CRIM1: variants seen among roughly 807,000 people sequenced by gnomAD.
CRIM1 encodes cysteine-rich motor neuron 1 protein.
CRIM1 carries 32 observed loss-of-function variants against 116.4 expected under a neutral mutation model. The observed-to-expected ratio is 0.27, with a 90% CI of 0.21 to 0.37. The LOEUF is 0.37. Among genes scored for constraint, CRIM1 ranks in the 10% least tolerant of loss-of-function variants. The probability of loss-of-function intolerance (pLI) is 1.00; values close to 1 mark genes in which losing one functional copy is unlikely to be tolerated. For missense variants in CRIM1, 1,331 were observed against 1,354.8 expected (o/e 0.98, Z 0.28); for synonymous variants, 590 against 509.2 (o/e 1.16, Z -2.13).
chr2:36,494,366 A>G (rs1680438296), intron 7 of CRIM1, among the ~76,000 whole-genome samples: 1 of 152,214 alleles, frequency 6.6e-6, no homozygotes. Flanking sequence ...TACTGACAAG[A>G]CATCTGTTAG....
At chr2:36,374,392 G>A (rs1277416097) in intron 1 of CRIM1, among the ~76,000 whole-genome samples, 2 of 152,106 alleles carry the variant, frequency 1.3e-5, no homozygotes, top group Admixed American at 6.6e-5. Context: ...GACAGTTTGG[G>A]AAATAGAAGA....
At chr2:36,432,530 A>T (rs1674975926) in intron 2 of CRIM1, among the ~76,000 whole-genome samples, 1 of 152,172 alleles carries the variant, frequency 6.6e-6, no homozygotes, top group South Asian at 2.1e-4. Flanking sequence ...CACATTTGGC[A>T]TCCGGCTCTC....
chr2:36,491,993 C>T (rs1257194757), intron 7 of CRIM1, among the ~76,000 whole-genome samples: 2 of 152,064 alleles, frequency 1.3e-5, no homozygotes, highest in Non-Finnish European at 2.9e-5. Context: ...GAAAAAGATA[C>T]CCCACTCTAT....
chr2:36,494,783 A>C (rs1236475212), intron 7 of CRIM1, among the ~76,000 whole-genome samples: 1 of 152,198 alleles, frequency 6.6e-6, no homozygotes, highest in East Asian at 1.9e-4. Flanking sequence ...GGTTCCCTTT[A>C]GAAATAGTTG....
At chr2:36,524,849 A>T (rs1665647285) in intron 13 of CRIM1, among the ~76,000 whole-genome samples, 1 of 152,014 alleles carries the variant, frequency 6.6e-6, no homozygotes, top group African/African-American at 2.4e-5. Context: ...TTCTATTCCA[A>T]TTCCTGCATC....
At chr2:36,439,230 C>T (rs894464142) in intron 2 of CRIM1, among the ~76,000 whole-genome samples, 1 of 152,198 alleles carries the variant, frequency 6.6e-6, no homozygotes, top group African/African-American at 2.4e-5. Flanking sequence ...CTCCAACACA[C>T]CCGGTACCCA....
chr2:36,523,255 A>G (rs1201083776), intron 13 of CRIM1, among the ~76,000 whole-genome samples: 1 of 152,168 alleles, frequency 6.6e-6, no homozygotes, highest in African/African-American at 2.4e-5. Context: ...ATATTAATTT[A>G]ATCTCCCAGT....
chr2:36,427,006 G>T (rs1393095212), intron 2 of CRIM1, among the ~76,000 whole-genome samples: 1 of 152,018 alleles, frequency 6.6e-6, no homozygotes, highest in Non-Finnish European at 1.5e-5. Flanking sequence ...TTCAAGACCA[G>T]CCTGACTAAC....
chr2:36,547,666 C>G (rs970431842), intron 16 of CRIM1, among the ~76,000 whole-genome samples: 1 of 151,820 alleles, frequency 6.6e-6, no homozygotes, highest in African/African-American at 2.4e-5. Context: ...GTGGAAAGGT[C>G]GCAAAAGATG....
rs533512914 is a variant in CRIM1 at position 36,495,323 on chromosome 2, A to G, written c.1373-3896A>G. Among the ~76,000 whole-genome samples the G allele has an allele frequency of 1.8e-4, 27 of 152,320 alleles. No homozygotes were observed. In the South Asian group the frequency reaches 5.6e-3, roughly 32 times the overall value. On this transcript the variant is annotated intron_variant, in intron 7 of 16. Transcript: ENST00000280527. ...CCAAAATCCGACAGGCAATTTCCGT[A>G]TTCAAAGCACTGTTGCATAGACTAG...
intron 5 of CRIM1, among the ~76,000 whole-genome samples, chr2:36,467,172 T>C (rs971488112): frequency 6.6e-6 from 1 of 152,210 alleles, no homozygotes; most frequent in Non-Finnish European, 1.5e-5. Context: ...ACATCTCTGG[T>C]CGTTGCTTCT....
intron 2 of CRIM1, among the ~76,000 whole-genome samples, chr2:36,416,341 A>G (rs1673619480): frequency 1.3e-5 from 2 of 152,198 alleles, no homozygotes; most frequent in Non-Finnish European, 2.9e-5. Flanking sequence ...AACTTTCATG[A>G]TATGCTAAAA....
Position 36,549,493 on chromosome 2 carries a change from G to A in CRIM1, c.*792G>A, listed in dbSNP as rs1667598007. 6.6e-6 allele frequency: 1 copy of A among 151,756 alleles called. No homozygotes were observed. The highest frequency in any genetic ancestry group is 2.1e-4 in the South Asian group (1 of 4,822). 9.4% of individuals were successfully genotyped at this position (151,756 alleles called of 1,614,324 possible). A position where few individuals can be genotyped will look rare whatever the true frequency, so the allele number is the denominator to read the frequency against. On this transcript the variant is annotated 3_prime_UTR_variant, in exon 17 of 17. Coordinates refer to ENST00000280527, the MANE Select transcript of CRIM1 (RefSeq NM_016441.3). Reference sequence around the variant, plus strand: ...TGGAGCTTTTTTTTTTTTACAACGTGACAGGAAGAGGAGGGAGAGGGTGAC... The same window carrying A: ...TGGAGCTTTTTTTTTTTTACAACGTAACAGGAAGAGGAGGGAGAGGGTGAC...
At position 36,373,899 on chromosome 2, in the gene CRIM1, G is replaced by A. The variant is rs1281954889; in HGVS notation, c.331+17276G>A. On this transcript the variant is annotated intron_variant, in intron 1 of 16. Transcript: ENST00000280527. ...TATGTTTTTCAAACTGAAGCTGTTA[G>A]GTTCTGTTAATTCCAACAGAACAAA... is the stretch of plus-strand genomic sequence containing the variant. Among the ~76,000 whole-genome samples the A allele has an allele frequency of 2.6e-5, 4 of 152,220 alleles. No homozygotes were observed. In the East Asian group the frequency reaches 5.8e-4, roughly 22 times the overall value.
intron 7 of CRIM1, among the ~76,000 whole-genome samples, chr2:36,482,109 T>G (rs2125051533): frequency 6.6e-6 from 1 of 152,312 alleles, no homozygotes; most frequent in South Asian, 2.1e-4. Flanking sequence ...CCTTGTCATT[T>G]CAGCGGTAAA....
At chr2:36,381,992 T>C (rs1036240183) in intron 1 of CRIM1, among the ~76,000 whole-genome samples, 5 of 152,206 alleles carry the variant, frequency 3.3e-5, no homozygotes, top group African/African-American at 4.8e-5. Context: ...TGGACCACAC[T>C]TGGGTCTGTT....
chr2:36,420,465 C>A (rs1023526144), intron 2 of CRIM1, among the ~76,000 whole-genome samples: 3 of 152,158 alleles, frequency 2.0e-5, no homozygotes, highest in Non-Finnish European at 4.4e-5. Context: ...TTTATTGTCT[C>A]AACTGTTCAG....
chr2:36,413,192 A>T (rs1159584325), intron 2 of CRIM1, among the ~76,000 whole-genome samples: 2 of 152,200 alleles, frequency 1.3e-5, no homozygotes, highest in Admixed American at 6.5e-5. Context: ...GCTGCTGAAT[A>T]AATTCTGCTT....
chr2:36,500,165 C>G (rs1680885866), intron 8 of CRIM1, among the ~76,000 whole-genome samples: 1 of 151,758 alleles, frequency 6.6e-6, no homozygotes, highest in South Asian at 2.1e-4. Context: ...CAGCCTCTAC[C>G]AAAAATACAA....
Sources: allele counts gnomAD v4.1 joint callset (sites outside exome capture counted in the v4.1 genomes callset), GRCh38; gene constraint gnomAD v4.1.1; transcripts MANE v1.5; gene names NCBI Gene and HGNC (gene_info 2026-07-23, HGNC 2026-07-21).